The following DPP10 variants were observed in gnomAD, a reference collection of about 807,000 sequenced individuals.
DPP10 encodes dipeptidyl peptidase like 10.
A neutral mutation model predicts 120.9 loss-of-function variants in DPP10; 33 were observed. That is an observed-to-expected ratio of 0.27 (90% CI 0.21 to 0.37). The LOEUF is 0.37. DPP10 is among the 10% of genes least tolerant of loss of function. The pLI is 1.00. For synonymous variants in DPP10, 337 were observed against 326.1 expected (o/e 1.03, Z -0.36); for missense variants, 816 against 942.8 (o/e 0.87, Z 1.76).
chr2:114,473,088 CTTA>C (rs944613740), intron 1 of DPP10, among the ~76,000 whole-genome samples: 1 of 152,204 alleles, frequency 6.6e-6, no homozygotes, highest in Non-Finnish European at 1.5e-5. Context: ...ATTTGCCAAG[CTTA>C]TTATCATTTT....
At chr2:115,554,001 TCACACACA>T (rs71881888) in intron 5 of DPP10, among the ~76,000 whole-genome samples, 23,927 of 135,496 alleles carry the variant, frequency 0.18, 2,567 homozygotes, top group African/African-American at 0.3. Flanking sequence ...TCTCTCTCTT[TCACACACA>T]CACACACACA....
At chr2:115,329,760 A>G (rs183545507) in intron 2 of DPP10, among the ~76,000 whole-genome samples, 3 of 152,270 alleles carry the variant, frequency 2.0e-5, no homozygotes, top group African/African-American at 7.2e-5. Context: ...TACAAAGGAT[A>G]TGAACTCATC....
chr2:115,031,958 T>A (rs974119312), intron 1 of DPP10, among the ~76,000 whole-genome samples: 3 of 152,170 alleles, frequency 2.0e-5, no homozygotes, highest in Non-Finnish European at 4.4e-5. Flanking sequence ...CTATTTTCAA[T>A]GTTTACTATG....
chr2:115,160,692 C>T (rs1260605357), intron 1 of DPP10, among the ~76,000 whole-genome samples: 6 of 152,288 alleles, frequency 3.9e-5, no homozygotes, highest in Admixed American at 3.9e-4. Flanking sequence ...GCTTTAGGCG[C>T]CCTAGGGAAA....
chr2:115,823,174 A>G (rs1687977884), intron 21 of DPP10, among the ~76,000 whole-genome samples: 1 of 151,904 alleles, frequency 6.6e-6, no homozygotes, highest in Admixed American at 6.6e-5. Context: ...AGATGAGTTT[A>G]TCTTTCTTGG....
chr2:115,798,320 T>C lies in DPP10; in HGVS notation c.1700+6964T>C, dbSNP rs570737661. On this transcript the variant is annotated intron_variant, in intron 19 of 25. Coordinates refer to ENST00000410059, the MANE Select transcript of DPP10 (RefSeq NM_020868.6). ...TTTTAAGAAAAAACATATTAGGATA[T>C]AAGATTAACTATATTATTAGTTTAA... 2.0e-5 allele frequency among the ~76,000 whole-genome samples: 3 copies of C among 152,162 alleles called. No homozygotes were observed. In the South Asian group the frequency reaches 6.2e-4, roughly 32 times the overall value.
chr2:115,289,506 G>GAAAGAAAAAAAAAGAA (rs70941043), intron 1 of DPP10, among the ~76,000 whole-genome samples: 1 of 114,398 alleles, frequency 8.7e-6, no homozygotes. Flanking sequence ...AAAAAAAAAG[G>GAAAGAAAAAAAAAGAA]AAGAAAAGAA....
intron 1 of DPP10, among the ~76,000 whole-genome samples, chr2:114,779,433 A>T (rs1436542210): frequency 6.6e-6 from 1 of 152,142 alleles, no homozygotes; most frequent in Non-Finnish European, 1.5e-5. Flanking sequence ...ACCACCTCTG[A>T]TCAAAGTTAT....
intron 1 of DPP10, among the ~76,000 whole-genome samples, chr2:114,782,871 G>A (rs1280584698): frequency 6.6e-6 from 1 of 152,060 alleles, no homozygotes; most frequent in African/African-American, 2.4e-5. Context: ...AGGACCACCA[G>A]ACCTCAGCTT....
intron 19 of DPP10, among the ~76,000 whole-genome samples, chr2:115,796,213 G>T (rs564980745): frequency 2.1e-4 from 32 of 152,088 alleles, no homozygotes; most frequent in Middle Eastern, 6.8e-3. Context: ...TAGCCTCCCA[G>T]TGCCCTGAGT....
chr2:114,532,255 C>CCA (rs1431965450), intron 1 of DPP10, among the ~76,000 whole-genome samples: 30 of 56,508 alleles, frequency 5.3e-4, no homozygotes, highest in Non-Finnish European at 8.2e-4. Context: ...TAATAAATCT[C>CCA]CATATATATA....
intron 3 of DPP10, among the ~76,000 whole-genome samples, chr2:115,419,722 A>G (rs1369456957): frequency 6.6e-6 from 1 of 152,192 alleles, no homozygotes; most frequent in African/African-American, 2.4e-5. Context: ...TCTATTCCTG[A>G]TGACTTAAAT....
At chr2:114,869,305 G>A (rs1360805122) in intron 1 of DPP10, among the ~76,000 whole-genome samples, 1 of 152,124 alleles carries the variant, frequency 6.6e-6, no homozygotes, top group African/African-American at 2.4e-5. Context: ...TGATTGTGAA[G>A]CAGGTTTATT....
rs146698091 is a variant in DPP10, at chr2:115,133,944, C to T, written c.61-175295C>T. On this transcript the variant is annotated intron_variant, in intron 1 of 25. Coordinates refer to ENST00000410059, the MANE Select transcript of DPP10 (RefSeq NM_020868.6). ...CTGTGCTATTAAGGAACACTCATCACGCTACAGGAATTGCTTTGTCCCCAC... is the reference window on the plus strand; with the variant it reads ...CTGTGCTATTAAGGAACACTCATCATGCTACAGGAATTGCTTTGTCCCCAC... Among the ~76,000 whole-genome samples, 466 of 152,232 alleles carry T rather than the reference C, an allele frequency of 3.1e-3. 1 individual carries two copies. The highest frequency in any genetic ancestry group is 0.01 in the Middle Eastern group (3 of 294).
At chr2:115,610,350 A>G (rs1200180314) in intron 5 of DPP10, among the ~76,000 whole-genome samples, 1 of 152,138 alleles carries the variant, frequency 6.6e-6, no homozygotes, top group Non-Finnish European at 1.5e-5. Context: ...AGAGGGTACA[A>G]GTTGTTATAT....
chr2:115,511,676 A>G (rs958132885), intron 4 of DPP10, among the ~76,000 whole-genome samples: 2 of 114,300 alleles, frequency 1.7e-5, no homozygotes, highest in Non-Finnish European at 3.7e-5. Flanking sequence ...TGAGATATGT[A>G]TTTTCTTCTT....
chr2:114,497,401 A>G (rs1228626348), intron 1 of DPP10, among the ~76,000 whole-genome samples: 1,547 of 125,062 alleles, frequency 0.012, 79 homozygotes, highest in African/African-American at 0.04. Flanking sequence ...ACATACATAT[A>G]CATATACACA....
chr2:114,536,495 TC>T (rs1293465126), intron 1 of DPP10, among the ~76,000 whole-genome samples: 46 of 150,474 alleles, frequency 3.1e-4, no homozygotes, highest in Admixed American at 4.0e-4. Context: ...AACCTCTGTC[TC>T]CCGGGTTCAC....
chr2:114,560,155 C>A (rs753324117), intron 1 of DPP10, among the ~76,000 whole-genome samples: 3 of 152,094 alleles, frequency 2.0e-5, no homozygotes, highest in Non-Finnish European at 4.4e-5. Context: ...ATTGTCTAAT[C>A]CATATTGTGA....
Sources: gnomAD v4.1 joint callset for allele counts (sites outside exome capture counted in the v4.1 genomes callset) on GRCh38, gnomAD v4.1.1 for gene constraint, MANE v1.5 for transcripts, NCBI Gene and HGNC (gene_info 2026-07-23, HGNC 2026-07-21) for gene names.